The following PPARGC1A variants were observed in gnomAD, a reference collection of about 807,000 sequenced individuals.
The protein encoded by PPARGC1A is peroxisome proliferator-activated receptor gamma coactivator 1-alpha.
A neutral mutation model predicts 88.7 loss-of-function variants in PPARGC1A; 25 were observed. The ratio of observed to expected loss-of-function variants is 0.28; its 90% CI spans 0.21 to 0.39. The LOEUF (loss-of-function observed/expected upper bound fraction) is 0.39, where lower values mean the gene tolerates loss of function less well. Ranked by LOEUF, PPARGC1A falls within the 10% of genes least tolerant of loss-of-function variation. The pLI is 1.00. For missense variants in PPARGC1A, 880 were observed against 968.7 expected, an observed-to-expected ratio of 0.91 and a Z score of 1.22; for synonymous variants, 363 against 355.6, an observed-to-expected ratio of 1.02 and a Z score of -0.24.
chr4:23,803,614 G>A (rs1000377328), intron 10 of PPARGC1A, among the ~76,000 whole-genome samples: 3 of 152,092 alleles, frequency 2.0e-5, no homozygotes, highest in African/African-American at 7.2e-5. Flanking sequence ...AGAAGATAAG[G>A]CCAAAAGTTA....
the PPARGC1A span, among the ~76,000 whole-genome samples, chr4:24,092,428 G>T: frequency 6.6e-6 from 1 of 151,992 alleles, no homozygotes; most frequent in Non-Finnish European, 1.5e-5. Context: ...TCTAAACTAG[G>T]ACCCAAGACA....
the PPARGC1A span, among the ~76,000 whole-genome samples, chr4:24,161,986 A>G: frequency 6.6e-6 from 1 of 151,164 alleles, no homozygotes; most frequent in Non-Finnish European, 1.5e-5. Context: ...ACACACACAC[A>G]CACACACACA....
At chr4:23,864,776 A>T (rs1000559406) in intron 2 of PPARGC1A, among the ~76,000 whole-genome samples, 1 of 152,212 alleles carries the variant, frequency 6.6e-6, no homozygotes, top group Non-Finnish European at 1.5e-5. Context: ...TGTGCTAAAG[A>T]TTAACAGCCC....
chr4:23,954,948 G>A, the PPARGC1A span, among the ~76,000 whole-genome samples: 3 of 152,020 alleles, frequency 2.0e-5, no homozygotes, highest in Admixed American at 6.6e-5. Context: ...TTTTCACTAA[G>A]CATCGCTGGG....
At chr4:23,983,178 T>C in the PPARGC1A span, among the ~76,000 whole-genome samples, 53 of 152,132 alleles carry the variant, frequency 3.5e-4, no homozygotes, top group Non-Finnish European at 6.5e-4. Flanking sequence ...AATGTAGTCA[T>C]TGTACCTACT....
the PPARGC1A span, among the ~76,000 whole-genome samples, chr4:24,190,793 A>C: frequency 6.6e-6 from 1 of 152,176 alleles, no homozygotes; most frequent in Non-Finnish European, 1.5e-5. Context: ...GGCAAACTCC[A>C]GCCAGTGTTC....
the PPARGC1A span, among the ~76,000 whole-genome samples, chr4:24,111,302 A>T: frequency 1.3e-5 from 2 of 152,318 alleles, no homozygotes; most frequent in Non-Finnish European, 1.5e-5. Flanking sequence ...TTCTCCAGAC[A>T]TACTTGATTC....
chr4:24,331,669 C>T, the PPARGC1A span, among the ~76,000 whole-genome samples: 155 of 152,166 alleles, frequency 1.0e-3, no homozygotes, highest in Non-Finnish European at 5.1e-4. Context: ...AAAACATTTT[C>T]CCCTATCATG....
At chr4:23,864,216 T>C (rs10213426) in intron 2 of PPARGC1A, among the ~76,000 whole-genome samples, 29,875 of 152,202 alleles carry the variant, frequency 0.2, 3,125 homozygotes, top group African/African-American at 0.25. Context: ...GGCTAATTCA[T>C]TGTCTCTTTT....
the PPARGC1A span, among the ~76,000 whole-genome samples, chr4:24,095,040 G>A: frequency 1.3e-5 from 2 of 151,606 alleles, 1 homozygote; most frequent in African/African-American, 4.9e-5. Flanking sequence ...TCAAATGCAA[G>A]TGCTAATAAC....
At chr4:23,872,746 A>G (rs575521727) in intron 2 of PPARGC1A, among the ~76,000 whole-genome samples, 2 of 152,310 alleles carry the variant, frequency 1.3e-5, no homozygotes, top group Admixed American at 1.3e-4. Context: ...ATGGCCAGAC[A>G]CTAAGCATGC....
the PPARGC1A span, among the ~76,000 whole-genome samples, chr4:23,951,999 T>C: frequency 6.6e-6 from 1 of 151,980 alleles, no homozygotes; most frequent in Admixed American, 6.6e-5. Flanking sequence ...TTCCCCATCA[T>C]ATTTACTGCG....
the PPARGC1A span, among the ~76,000 whole-genome samples, chr4:24,448,235 G>T: frequency 6.6e-6 from 1 of 152,178 alleles, no homozygotes; most frequent in South Asian, 2.1e-4. Context: ...CGTTTGAGGA[G>T]CCCACGTCAG....
At chr4:24,089,849 A>T in the PPARGC1A span, among the ~76,000 whole-genome samples, 4 of 152,092 alleles carry the variant, frequency 2.6e-5, no homozygotes, top group African/African-American at 9.7e-5. Flanking sequence ...CACTAGCTAG[A>T]AGGGGGAGCT....
At chr4:24,030,139 T>C in the PPARGC1A span, among the ~76,000 whole-genome samples, 1 of 152,232 alleles carries the variant, frequency 6.6e-6, no homozygotes, top group Admixed American at 6.5e-5. Flanking sequence ...AAGAACTGAA[T>C]TAACTGCTAC....
chr4:24,302,349 G>T, the PPARGC1A span, among the ~76,000 whole-genome samples: 1 of 152,282 alleles, frequency 6.6e-6, no homozygotes. Flanking sequence ...AGACTGATGG[G>T]CAACTTTGAA....
chr4:24,157,688 A>G, the PPARGC1A span, among the ~76,000 whole-genome samples: 1 of 150,868 alleles, frequency 6.6e-6, no homozygotes, highest in Non-Finnish European at 1.5e-5. Flanking sequence ...TCTTTCCTTC[A>G]CCCTCCCAAA....
chr4:24,054,575 C>T, the PPARGC1A span, among the ~76,000 whole-genome samples: 2 of 152,082 alleles, frequency 1.3e-5, no homozygotes, highest in African/African-American at 4.8e-5. Flanking sequence ...GATATCTTTT[C>T]GAGTGAGTAA....
chr4:24,314,272 T>C, the PPARGC1A span, among the ~76,000 whole-genome samples: 4 of 152,198 alleles, frequency 2.6e-5, no homozygotes, highest in Non-Finnish European at 5.9e-5. Context: ...CCAAAATTCA[T>C]GTTGAAATGT....
Sources: allele counts gnomAD v4.1 joint callset (sites outside exome capture counted in the v4.1 genomes callset), GRCh38; gene constraint gnomAD v4.1.1; transcripts MANE v1.5; gene names NCBI Gene and HGNC (gene_info 2026-07-23, HGNC 2026-07-21).